Variants in POM121 observed in about 807,000 individuals in gnomAD.
The protein encoded by POM121 is nuclear envelope pore membrane protein POM 121.
POM121 carries 32 observed loss-of-function variants against 81.3 expected under a neutral mutation model. The observed-to-expected ratio is 0.39, with a 90% CI of 0.30 to 0.53. POM121 has a LOEUF of 0.53. POM121 is among the 20% of genes least tolerant of loss of function. The pLI, the probability that POM121 is intolerant of heterozygous loss-of-function variation, is 0.66. For synonymous variants in POM121, 514 were observed against 694.2 expected (o/e 0.74, Z 4.08); for missense variants, 1,138 against 1,614.6 (o/e 0.70, Z 5.06).
chr7:72,885,799 A>G (rs1790643625), intron 1 of POM121, among the ~76,000 whole-genome samples: 1 of 149,922 alleles, frequency 6.7e-6, no homozygotes, highest in South Asian at 2.1e-4. Flanking sequence ...GTTAGGTTAT[A>G]GTCCGTTGTC....
intron 1 of POM121, among the ~76,000 whole-genome samples, chr7:72,886,013 T>C (rs1790666328): frequency 6.6e-6 from 1 of 152,162 alleles, no homozygotes; most frequent in Non-Finnish European, 1.5e-5. Flanking sequence ...TTAAGTAATA[T>C]CCATTTTTCT....
chr7:72,921,038 C>T (rs555704517), upstream of POM121, among the ~76,000 whole-genome samples: 11 of 152,060 alleles, frequency 7.2e-5, no homozygotes, highest in South Asian at 2.1e-4. Context: ...AAAAAGTAGC[C>T]GAGTGTGGTG....
At chr7:72,894,832 A>T (rs1791773683) in intron 3 of POM121, among the ~76,000 whole-genome samples, 1 of 151,984 alleles carries the variant, frequency 6.6e-6, no homozygotes, top group African/African-American at 2.4e-5. Context: ...GGCTAATTTT[A>T]AAAGTTTTAG....
At chr7:72,943,658 G>A (rs1388226512) in intron 11 of POM121, 136 bp downstream of exon 11, 1 of 1,431,064 alleles carries the variant, frequency 7.0e-7, no homozygotes, top group Non-Finnish European at 9.3e-7. Context: ...AGATGCCAGG[G>A]AACGATACAT....
rs532953735 is a variant in POM121 at position 72,946,082 on chromosome 7, G to C, written c.3653-55G>C. On this transcript the variant is annotated intron_variant, in intron 12 of 12. Transcript: ENST00000434423. Reference sequence around the variant, plus strand: ...GGCCTTCCAGAGATTTGGGCACCCAGAGTCAGAGTCTCAGGTAGCAGCTGC... The same window carrying C: ...GGCCTTCCAGAGATTTGGGCACCCACAGTCAGAGTCTCAGGTAGCAGCTGC... The C allele has an allele frequency of 2.1e-5, 33 of 1,596,212 alleles. No individual in the cohort carries two copies. In the Admixed American group the frequency reaches 2.1e-4, roughly 10 times the overall value.
At chr7:72,935,407 TCAAG>T (rs1314930854) in intron 5 of POM121, among the ~76,000 whole-genome samples, 2 of 152,206 alleles carry the variant, frequency 1.3e-5, no homozygotes, top group Non-Finnish European at 2.9e-5. Context: ...ACTCCTGAGC[TCAAG>T]CAATCTTCCC....
intron 6 of POM121, among the ~76,000 whole-genome samples, chr7:72,939,006 C>G (rs1796801017): frequency 3.3e-5 from 5 of 152,192 alleles, no homozygotes; most frequent in Admixed American, 1.3e-4. Flanking sequence ...GAGCTGACCC[C>G]CTAGGTGCTT....
intron 5 of POM121, among the ~76,000 whole-genome samples, chr7:72,936,712 C>T (rs1314447352): frequency 2.6e-5 from 4 of 152,106 alleles, no homozygotes; most frequent in South Asian, 4.1e-4. Context: ...TCGTCTGGCC[C>T]CTTTGGCATT....
chr7:72,886,188 T>TTTAC (rs1189374800), intron 1 of POM121, among the ~76,000 whole-genome samples: 5 of 150,418 alleles, frequency 3.3e-5, no homozygotes, highest in African/African-American at 1.2e-4. Flanking sequence ...TATTTATTTA[T>TTTAC]TTTGAGACAG....
At chr7:72,919,614 C>G (rs1794615863) in intron 4 of POM121, among the ~76,000 whole-genome samples, 1 of 152,074 alleles carries the variant, frequency 6.6e-6, no homozygotes, top group Non-Finnish European at 1.5e-5. Flanking sequence ...TCCCAAGTAA[C>G]TGAGACTCCA....
chr7:72,949,385 C>A (rs1554504281), downstream of POM121: 7 of 1,002,918 alleles, frequency 7.0e-6, no homozygotes, highest in African/African-American at 1.6e-5. Flanking sequence ...GGGGAGACCG[C>A]CAGGAAGTCC....
intron 1 of POM121, among the ~76,000 whole-genome samples, chr7:72,884,624 A>T (rs1417805628): frequency 6.7e-6 from 1 of 149,940 alleles, no homozygotes; most frequent in Non-Finnish European, 1.5e-5. Flanking sequence ...TTTTGAAATC[A>T]TTTCAGATTT....
intron 1 of POM121, among the ~76,000 whole-genome samples, chr7:72,881,134 G>A (rs1790117276): frequency 6.8e-6 from 1 of 146,536 alleles, no homozygotes; most frequent in Non-Finnish European, 1.5e-5. Flanking sequence ...GCGTGGTCTC[G>A]GCTCACTGCA....
At chr7:72,926,748 A>G (rs1188153582) in intron 2 of POM121, 54 bp from the exon 3 acceptor site, 5 of 1,596,090 alleles carry the variant, frequency 3.1e-6, no homozygotes, top group Admixed American at 3.5e-5. Context: ...AGTCTGTGCT[A>G]TATGGCATGG....
intron 3 of POM121, among the ~76,000 whole-genome samples, chr7:72,906,037 C>CTCTCG (rs2129575912): frequency 6.6e-6 from 1 of 152,248 alleles, no homozygotes; most frequent in South Asian, 2.1e-4. Flanking sequence ...AGGTCTGGAG[C>CTCTCG]TCTCGGTTTG....
At chr7:72,944,381 T>G (rs1443485360) in intron 11 of POM121, among the ~76,000 whole-genome samples, 2 of 152,104 alleles carry the variant, frequency 1.3e-5, no homozygotes, top group Non-Finnish European at 2.9e-5. Context: ...AGAGAAAATC[T>G]GGGAGAGAGA....
intron 1 of POM121, among the ~76,000 whole-genome samples, chr7:72,885,831 CTTCT>C (rs1790647540): frequency 6.6e-6 from 1 of 150,636 alleles, no homozygotes; most frequent in Non-Finnish European, 1.5e-5. Context: ...TTAGTCTCAT[CTTCT>C]TTGTTTCTTT....
chr7:72,887,432 T>C (rs1251491785), intron 1 of POM121, among the ~76,000 whole-genome samples: 2 of 152,222 alleles, frequency 1.3e-5, no homozygotes, highest in African/African-American at 2.4e-5. Flanking sequence ...CTCTGCTCCA[T>C]GGCCTGGAAA....
upstream of POM121, among the ~76,000 whole-genome samples, chr7:72,920,668 A>G (rs1404994303): frequency 1.3e-5 from 2 of 151,868 alleles, no homozygotes; most frequent in Admixed American, 6.6e-5. Context: ...TTTTATTCCT[A>G]TATACATTTT....
Sources: gnomAD v4.1 joint callset for allele counts (sites outside exome capture counted in the v4.1 genomes callset) on GRCh38, gnomAD v4.1.1 for gene constraint, MANE v1.5 for transcripts, NCBI Gene and HGNC (gene_info 2026-07-23, HGNC 2026-07-21) for gene names.